Variants in GALNT17 observed in about 807,000 individuals in gnomAD.
GALNT17 encodes polypeptide N-acetylgalactosaminyltransferase 17, also known as UDP-GalNAc:polypeptide N-acetylgalactosaminyltransferase-like 3.
Under a neutral mutation model 63.7 loss-of-function variants are expected in GALNT17, and 29 were observed. The observed-to-expected ratio is 0.46, with a 90% CI of 0.34 to 0.62. The LOEUF (loss-of-function observed/expected upper bound fraction) is 0.62. Among genes scored for constraint, GALNT17 ranks in the 20% least tolerant of loss-of-function variants. GALNT17 has a pLI of 0.01. For missense variants in GALNT17, 603 were observed against 799.6 expected, an observed-to-expected ratio of 0.75 and a Z score of 2.97; for synonymous variants, 305 against 318.3, an observed-to-expected ratio of 0.96 and a Z score of 0.45.
intron 5 of GALNT17, among the ~76,000 whole-genome samples, chr7:71,423,621 A>G (rs1171141716): frequency 3.3e-5 from 5 of 152,176 alleles, no homozygotes; most frequent in Non-Finnish European, 7.3e-5. Context: ...GATTAACAAG[A>G]GTAAAAGTTT....
In GALNT17 at chr7:71,177,360, C is replaced by T. The variant is rs112629516; in HGVS notation, c.238+44320C>T. 6.4e-3 allele frequency among the ~76,000 whole-genome samples: 976 copies of T among 152,278 alleles called. 15 individuals are homozygous for T. Among genetic ancestry groups the T allele is most frequent in the African/African-American group, 0.022 (920 of 41,562 alleles). On this transcript the variant is annotated intron_variant, in intron 1 of 10. Transcript: ENST00000333538. ...GGGAACCCCATCCCACTCTATCCCT[C>T]ACTCTTCGCTTCCCATGTCTGGACT...
At chr7:71,424,699 G>T (rs1340126974) in intron 5 of GALNT17, among the ~76,000 whole-genome samples, 2 of 152,186 alleles carry the variant, frequency 1.3e-5, no homozygotes, top group Non-Finnish European at 2.9e-5. Flanking sequence ...TTTAATTGCA[G>T]GGATGAATTT....
chr7:71,279,065 A>G (rs1211847678), intron 1 of GALNT17, among the ~76,000 whole-genome samples: 1 of 151,884 alleles, frequency 6.6e-6, no homozygotes, highest in Non-Finnish European at 1.5e-5. Flanking sequence ...AGCTGGGATT[A>G]CAGGAACGCA....
intron 9 of GALNT17, among the ~76,000 whole-genome samples, chr7:71,680,879 C>A (rs193193947): frequency 0.029 from 2,453 of 86,034 alleles, 56 homozygotes; most frequent in African/African-American, 0.078. Context: ...TCCTTCCTTC[C>A]TTTTCTTCCT....
At chr7:71,369,613 G>T (rs1792579506) in intron 2 of GALNT17, among the ~76,000 whole-genome samples, 3 of 151,986 alleles carry the variant, frequency 2.0e-5, no homozygotes, top group Admixed American at 2.0e-4. Flanking sequence ...TAGAGTTCGA[G>T]ACCAGCCTGG....
At chr7:71,698,662 G>A (rs565733928) in intron 9 of GALNT17, among the ~76,000 whole-genome samples, 1 of 152,010 alleles carries the variant, frequency 6.6e-6, no homozygotes, top group African/African-American at 2.4e-5. Flanking sequence ...TCAACCAAAC[G>A]CAACTAATCC....
At chr7:71,158,300 G>A (rs926360675) in intron 1 of GALNT17, among the ~76,000 whole-genome samples, 5 of 151,726 alleles carry the variant, frequency 3.3e-5, no homozygotes, top group African/African-American at 9.7e-5. Context: ...CACTCCCTTT[G>A]GGGGTTGACT....
At chr7:71,695,259 C>G (rs189388135) in intron 9 of GALNT17, among the ~76,000 whole-genome samples, 381 of 152,302 alleles carry the variant, frequency 2.5e-3, no homozygotes, top group African/African-American at 8.6e-3. Flanking sequence ...CCAATCTATC[C>G]GCTCCTAGAA....
At chr7:71,202,999 C>T (rs185994707) in intron 1 of GALNT17, among the ~76,000 whole-genome samples, 1 of 152,290 alleles carries the variant, frequency 6.6e-6, no homozygotes, top group East Asian at 1.9e-4. Flanking sequence ...CGTGCACACA[C>T]ACACACACAT....
At chr7:71,682,667 C>G (rs918264731) in intron 9 of GALNT17, among the ~76,000 whole-genome samples, 4 of 152,018 alleles carry the variant, frequency 2.6e-5, no homozygotes, top group African/African-American at 9.7e-5. Context: ...ATCTCGGCCT[C>G]TCAAGTAGCT....
chr7:71,315,394 C>T (rs776280090), intron 1 of GALNT17, among the ~76,000 whole-genome samples: 6 of 152,054 alleles, frequency 3.9e-5, no homozygotes, highest in Non-Finnish European at 7.4e-5. Context: ...TACCTAGGAG[C>T]GGAATTGTTG....
chr7:71,577,804 G>A (rs2116891993), intron 6 of GALNT17, among the ~76,000 whole-genome samples: 1 of 152,176 alleles, frequency 6.6e-6, no homozygotes, highest in East Asian at 1.9e-4. Context: ...ATTTCTCTGA[G>A]GAGTTGGAGT....
chr7:71,411,421 AG>A (rs368072460), intron 3 of GALNT17, among the ~76,000 whole-genome samples: 1 of 152,162 alleles, frequency 6.6e-6, no homozygotes, highest in African/African-American at 2.4e-5. Flanking sequence ...TGCCTGGCCA[AG>A]GGGGTGACTT....
chr7:71,401,707 C>G (rs953109017), intron 3 of GALNT17, among the ~76,000 whole-genome samples: 1 of 152,152 alleles, frequency 6.6e-6, no homozygotes, highest in Admixed American at 6.5e-5. Flanking sequence ...AGGTTGCGCG[C>G]TCCTTATGAG....
In GALNT17 at chr7:71,132,947, G is replaced by T; in HGVS notation, c.145G>T (p.Ala49Ser). 6.2e-7 allele frequency: 1 copy of T among 1,610,344 alleles called. No homozygotes were observed. Residue 49 changes from alanine (A) to serine (S), a missense_variant, in exon 1 of 11, where the codon GCC (alanine) becomes TCC (serine). Around this residue, in one of 3 missense-constraint regions of GALNT17, gnomAD observed 195 missense variants for 215.0 expected, o/e 0.91. Transcript: ENST00000333538. ...CGAGATCCGGCCGCGCGCCGAGGTGGCCAACCTCAGCGCGCACAGCGCCAG... is the reference window on the plus strand; with the variant it reads ...CGAGATCCGGCCGCGCGCCGAGGTGTCCAACCTCAGCGCGCACAGCGCCAG... ...FHEIRPRAEV[A>S]NLSAHSASPI... is the part of the protein sequence containing the mutation.
At chr7:71,682,662 G>A (rs140063859) in intron 9 of GALNT17, among the ~76,000 whole-genome samples, 2,410 of 151,904 alleles carry the variant, frequency 0.016, 18 homozygotes, top group Non-Finnish European at 0.024. Context: ...CTCCCATCTC[G>A]GCCTCTCAAG....
intron 1 of GALNT17, among the ~76,000 whole-genome samples, chr7:71,153,872 C>T (rs1302055696): frequency 6.6e-6 from 1 of 151,950 alleles, no homozygotes; most frequent in Non-Finnish European, 1.5e-5. Flanking sequence ...GGTGCCACTG[C>T]ATTCCAGCCT....
intron 9 of GALNT17, among the ~76,000 whole-genome samples, chr7:71,697,769 A>G (rs1053556704): frequency 6.6e-6 from 1 of 152,174 alleles, no homozygotes; most frequent in African/African-American, 2.4e-5. Flanking sequence ...TCTCATATAG[A>G]CAGATTTTAG....
chr7:71,535,650 T>C (rs1340602022), intron 5 of GALNT17, among the ~76,000 whole-genome samples: 1 of 152,218 alleles, frequency 6.6e-6, no homozygotes, highest in African/African-American at 2.4e-5. Flanking sequence ...TGCTTCCCTC[T>C]AACATATGGC....
Sources: gnomAD v4.1 joint callset for allele counts (sites outside exome capture counted in the v4.1 genomes callset) on GRCh38, gnomAD v4.1.1 for gene constraint, gnomAD v4.1.1 regional missense constraint, MANE v1.5 for transcripts, NCBI Gene and HGNC (gene_info 2026-07-23, HGNC 2026-07-21) for gene names.